Variants in C3orf18 observed in about 807,000 individuals in gnomAD.
C3orf18 encodes uncharacterized protein C3orf18.
C3orf18 carries 12 observed loss-of-function variants against 14.1 expected under a neutral mutation model. The ratio of observed to expected loss-of-function variants is 0.85; its 90% CI spans 0.55 to 1.38. The LOEUF is 1.38. Among genes scored for constraint, C3orf18 ranks in the 40% most tolerant of loss-of-function variants. The pLI is 0.00. For missense variants in C3orf18, 196 were observed against 213.9 expected (o/e 0.92, Z 0.52); for synonymous variants, 82 against 87.9 (o/e 0.93, Z 0.38).
intron 1 of C3orf18, among the ~76,000 whole-genome samples, chr3:50,566,462 G>C (rs1030575403): frequency 6.6e-6 from 1 of 152,020 alleles, no homozygotes; most frequent in Non-Finnish European, 1.5e-5. Flanking sequence ...AACAGGTGTC[G>C]AAGAAAGACT....
At chr3:50,570,876 G>A (rs918016531), upstream of C3orf18, 8 of 445,052 alleles carry the variant, frequency 1.8e-5, no homozygotes, top group Non-Finnish European at 2.4e-5. Flanking sequence ...TGTATTGGTA[G>A]AAGGGGGGGT....
At chr3:50,566,511 A>G (rs1484721477) in intron 1 of C3orf18, among the ~76,000 whole-genome samples, 1 of 144,428 alleles carries the variant, frequency 6.9e-6, no homozygotes, top group Non-Finnish European at 1.5e-5. Context: ...AGCATCCACT[A>G]CATGTTAGAT....
intron 1 of C3orf18, among the ~76,000 whole-genome samples, chr3:50,566,443 G>A (rs1700299685): frequency 6.6e-6 from 1 of 152,008 alleles, no homozygotes; most frequent in African/African-American, 2.4e-5. Flanking sequence ...TTACAGAAAT[G>A]GCAGAACAAA....
At position 50,563,825 on chromosome 3, in the gene C3orf18, A is replaced by G. The variant is rs2107286573; in HGVS notation, c.234+1641T>C. 2.6e-5 allele frequency among the ~76,000 whole-genome samples: 4 copies of G among 152,356 alleles called. 1 individual carries two copies. The South Asian group carries it at 8.3e-4, about 32-fold the overall frequency. On this transcript the variant is annotated intron_variant, in intron 3 of 5. Transcript: ENST00000357203. Reference sequence around the variant, plus strand: ...TGAATGTTCCTCTAGAACAAAGAGTAAGAGAGCGTTCTCAAGTTCCAAGGA... The same window carrying G: ...TGAATGTTCCTCTAGAACAAAGAGTGAGAGAGCGTTCTCAAGTTCCAAGGA...
chr3:50,570,923 A>C (rs1181826620), upstream of C3orf18: 1 of 490,884 alleles, frequency 2.0e-6, no homozygotes, highest in Non-Finnish European at 3.6e-6. Flanking sequence ...GGTTCCTCTC[A>C]CTCCCAGGGT....
chr3:50,571,381 T>C (rs1182316769), upstream of C3orf18: 1 of 1,393,684 alleles, frequency 7.2e-7, no homozygotes, highest in South Asian at 1.4e-5. Context: ...GAGGGAGGAC[T>C]TGGGGAAGGG....
At chr3:50,564,710 T>C (rs1012281973) in intron 3 of C3orf18, among the ~76,000 whole-genome samples, 2 of 152,180 alleles carry the variant, frequency 1.3e-5, no homozygotes, top group Non-Finnish European at 2.9e-5. Flanking sequence ...CAGTAAATAA[T>C]TGCCAAGTGA....
chr3:50,562,524 G>C (rs765323371), intron 3 of C3orf18: 1 of 454,996 alleles, frequency 2.2e-6, no homozygotes, highest in South Asian at 1.6e-5. Flanking sequence ...AAGAGGCTGA[G>C]GCAGGAGGAT....
chr3:50,558,447 C>G lies in C3orf18; in HGVS notation c.*1210G>C. The G allele has an allele frequency of 6.0e-6, 2 of 331,612 alleles. No individual in the cohort carries two copies. Among genetic ancestry groups the G allele is most frequent in the Non-Finnish European group, 1.2e-5 (2 of 169,408 alleles). 20.5% of individuals were successfully genotyped at this position (331,612 alleles called of 1,614,324 possible). ...GACCCTCCAAGGCTTATGGAGAGGC[C>G]AAGTGCAGGGACCCATCTCCCCACT... is the stretch of plus-strand genomic sequence containing the variant. On this transcript the variant is annotated 3_prime_UTR_variant, in exon 6 of 6. Transcript: ENST00000357203.
chr3:50,562,420 C>T, intron 3 of C3orf18: 1 of 453,382 alleles, frequency 2.2e-6, no homozygotes, highest in Non-Finnish European at 4.4e-6. Flanking sequence ...TCAGCACATT[C>T]CCTCCCCTCA....
chr3:50,559,286 C>A lies in C3orf18; in HGVS notation c.*371G>T. On this transcript the variant is annotated 3_prime_UTR_variant, in exon 6 of 6. Coordinates refer to ENST00000357203, the MANE Select transcript of C3orf18 (RefSeq NM_016210.5). Reference sequence around the variant, plus strand: ...CTAACAGAGGGAAACCTCCCCTTTCCTCCCCCAATCCCTCCCACTCCGTAT... The same window carrying A: ...CTAACAGAGGGAAACCTCCCCTTTCATCCCCCAATCCCTCCCACTCCGTAT... 1 of 1,245,772 alleles carries A rather than the reference C, an allele frequency of 8.0e-7. No homozygotes were observed. Among genetic ancestry groups the A allele is most frequent in the South Asian group, 1.4e-5 (1 of 69,468 alleles). The allele number at this position is 1,245,772 out of a possible 1,614,324, so 77.2% of individuals were successfully genotyped here.
intron 1 of C3orf18, among the ~76,000 whole-genome samples, chr3:50,566,630 AAAGACCAG>A (rs1700317996): frequency 6.6e-6 from 1 of 151,474 alleles, no homozygotes; most frequent in Admixed American, 6.6e-5. Flanking sequence ...GCTGATGTGG[AAAGACCAG>A]AAGACAAGAA....
rs778398541 is a variant in C3orf18 at position 50,559,731 on chromosome 3, G to T, written c.415C>A (p.Leu139Met). Reference sequence around the variant, plus strand: ...CTCTGCAGTGGGCCCTGGGAGGGCAGAGTAGTCTGCAGGAAGACAGGCAGG... The same window carrying T: ...CTCTGCAGTGGGCCCTGGGAGGGCATAGTAGTCTGCAGGAAGACAGGCAGG... ...SVQAMQGKTTLPSQGPLQRPS... is the reference protein window; with the variant it reads ...SVQAMQGKTTMPSQGPLQRPS... Residue 139 changes from leucine (L) to methionine (M), a missense_variant, in exon 6 of 6, where the codon CTG becomes ATG. By Grantham distance (15) the Leu-to-Met change is conservative (BLOSUM62 2). Transcript: ENST00000357203. The T allele has an allele frequency of 1.3e-5, 20 of 1,585,968 alleles. No homozygotes were observed. Among genetic ancestry groups the T allele is most frequent in the Non-Finnish European group, 1.7e-5 (20 of 1,165,482 alleles).
chr3:50,568,615 A>C (rs1034249128), upstream of C3orf18, among the ~76,000 whole-genome samples: 1 of 151,264 alleles, frequency 6.6e-6, no homozygotes, highest in African/African-American at 2.4e-5. Context: ...AATCCCAGCT[A>C]CTTGGGAGGC....
Position 50,565,815 on chromosome 3 carries a change from G to A in C3orf18, c.-116C>T. 1.5e-6 allele frequency: 1 copy of A among 688,986 alleles called. No homozygotes were observed. The highest frequency in any genetic ancestry group is 2.4e-6 in the Non-Finnish European group (1 of 410,208). 42.7% of individuals were successfully genotyped at this position (688,986 alleles called of 1,614,324 possible). A position where few individuals can be genotyped will look rare whatever the true frequency, so the allele number is the denominator to read the frequency against. On this transcript the variant is annotated 5_prime_UTR_variant, in exon 3 of 6. Coordinates refer to ENST00000357203, the MANE Select transcript of C3orf18 (RefSeq NM_016210.5). This position sits in a 1 kb window ranked among gnomAD's most constrained non-coding sequence, Gnocchi z 4.4. ...TTCCTGCCACCTGTGGTGGCCACCT[G>A]CACAGCCACCTCCTTGGATAAAGGG... is the stretch of plus-strand genomic sequence containing the variant.
chr3:50,565,317 A>C lies in C3orf18; in HGVS notation c.234+149T>G. ...CAGAGGTGGAGGTTGCAGTGAGCTG[A>C]GATCAAGCCATTGCACTCCAGCCTG... is the stretch of plus-strand genomic sequence containing the variant. On this transcript the variant is annotated intron_variant, in intron 3 of 5. Coordinates refer to ENST00000357203, the MANE Select transcript of C3orf18 (RefSeq NM_016210.5). This position sits in a 1 kb window ranked among gnomAD's most constrained non-coding sequence, Gnocchi z 4.4. The C allele has an allele frequency of 4.6e-6, 3 of 647,954 alleles. No individual in the cohort carries two copies. Among genetic ancestry groups the C allele is most frequent in the Non-Finnish European group, 5.4e-6 (2 of 370,366 alleles). 40.1% of individuals were successfully genotyped at this position (647,954 alleles called of 1,614,324 possible).
intron 1 of C3orf18, among the ~76,000 whole-genome samples, chr3:50,567,050 G>A (rs2107309935): frequency 1.3e-5 from 2 of 152,302 alleles, no homozygotes; most frequent in South Asian, 4.1e-4. Flanking sequence ...CCTGAGGAAG[G>A]GGCAAGGCTG....
chr3:50,567,942 G>A (rs1264910503), upstream of C3orf18, among the ~76,000 whole-genome samples: 1 of 152,262 alleles, frequency 6.6e-6, no homozygotes, highest in African/African-American at 2.4e-5. Flanking sequence ...GACAGTGGGT[G>A]GCCAGGCCCT....
At chr3:50,571,327 A>G (rs1559452553), upstream of C3orf18, 1 of 1,584,338 alleles carries the variant, frequency 6.3e-7, no homozygotes. Flanking sequence ...CCTTGGAGCC[A>G]AAACAGTTAA....
Sources: gnomAD v4.1 joint callset for allele counts (sites outside exome capture counted in the v4.1 genomes callset) on GRCh38, gnomAD v4.1.1 for gene constraint, Gnocchi (gnomAD v3.1) non-coding constraint, MANE v1.5 for transcripts, NCBI Gene and HGNC (gene_info 2026-07-23, HGNC 2026-07-21) for gene names.